MED14: variants seen among roughly 807,000 people sequenced by gnomAD.
MED14 encodes the protein mediator complex subunit 14.
In MED14, 8 loss-of-function variants were observed where a neutral mutation model predicts 109.0. The ratio of observed to expected loss-of-function variants is 0.07; its 90% CI spans 0.04 to 0.13. MED14 has a LOEUF of 0.13. Among genes scored for constraint, MED14 ranks in the 10% least tolerant of loss-of-function variants. The pLI is 1.00. For missense variants in MED14, 711 were observed against 1,142.4 expected (o/e 0.62, Z 5.44); for synonymous variants, 399 against 408.7 (o/e 0.98, Z 0.29).
chrX:40,669,235 AT>A (rs1193076495), intron 23 of MED14, among the ~76,000 whole-genome samples: 3 of 111,694 alleles, frequency 2.7e-5, no homozygotes, highest in African/African-American at 6.5e-5. Flanking sequence ...TATTATAATT[AT>A]TTCAAAATAT....
chrX:40,648,832 A>T lies in MED14; in HGVS notation c.*2974T>A, dbSNP rs922398144. ...GCACAGTGCTGGCTGGCCTCTGCTA[A>T]CTTTGTCTTAATAACCTCAATGCTA... On this transcript the variant is annotated 3_prime_UTR_variant, in exon 31 of 31. Coordinates refer to ENST00000324817, the MANE Select transcript of MED14 (RefSeq NM_004229.4). 1 of 112,270 alleles carries T rather than the reference A, an allele frequency of 8.9e-6. No homozygotes were observed. The highest frequency in any genetic ancestry group is 3.2e-5 in the African/African-American group (1 of 30,805). The allele number at this position is 112,270 out of a possible 1,213,427, so 9.3% of individuals were successfully genotyped here. A position where few individuals can be genotyped will look rare whatever the true frequency, so the allele number is the denominator to read the frequency against.
rs1931453177 is a variant in MED14, at chrX:40,714,663, A to G, written c.396T>C (p.Thr132=). ...LDQQAILFVD[T]ADRLASLARD... is the part of the protein sequence containing the mutation. ...TAGCTAACGAGGCCAGGCGATCAGC[A>G]GTGTCCACAAACAGGATGGCTTGCT... The change falls in exon 4 of 31, where the codon ACT becomes ACC. Residue 132 remains threonine (T), a synonymous_variant. Coordinates refer to ENST00000324817, the MANE Select transcript of MED14 (RefSeq NM_004229.4). 1.7e-6 allele frequency: 2 copies of G among 1,211,785 alleles called. No individual in the cohort carries two copies. Among genetic ancestry groups the G allele is most frequent in the Non-Finnish European group, 2.2e-6 (2 of 895,433 alleles).
intron 16 of MED14, among the ~76,000 whole-genome samples, chrX:40,688,228 CA>C (rs1303647083): frequency 9.0e-6 from 1 of 111,225 alleles, no homozygotes; most frequent in African/African-American, 3.3e-5. Context: ...GACTCTGTCT[CA>C]AAACAAGCAA....
intron 16 of MED14, 26 bp downstream of exon 16, chrX:40,688,428 A>T: frequency 9.0e-7 from 1 of 1,116,702 alleles, no homozygotes; most frequent in Non-Finnish European, 1.2e-6. Context: ...ATGTGGCACC[A>T]AGTGAAACAT....
Position 40,663,184 on chromosome X carries a change from T to C in MED14, c.3449-24A>G, listed in dbSNP as rs748384705. Reference sequence around the variant, plus strand: ...ACCTTTTGGGAAGGAAAACATGTTATGTCATTTACAAATACATACTATCTC... The same window carrying C: ...ACCTTTTGGGAAGGAAAACATGTTACGTCATTTACAAATACATACTATCTC... On this transcript the variant is annotated intron_variant, in intron 25 of 30. Coordinates refer to ENST00000324817, the MANE Select transcript of MED14 (RefSeq NM_004229.4). 5.5e-6 allele frequency: 6 copies of C among 1,097,050 alleles called. No homozygotes were observed. The East Asian group carries it at 9.1e-5, about 17-fold the overall frequency. 90.4% of individuals were successfully genotyped at this position (1,097,050 alleles called of 1,213,427 possible). A position where few individuals can be genotyped will look rare whatever the true frequency, so the allele number is the denominator to read the frequency against.
At chrX:40,660,541 C>T (rs1052905384) in intron 26 of MED14, among the ~76,000 whole-genome samples, 8 of 111,939 alleles carry the variant, frequency 7.1e-5, no homozygotes, top group Non-Finnish European at 1.1e-4. Context: ...CTGAAAGCAG[C>T]TATAGACAAT....
Position 40,663,023 on chromosome X carries a change from G to A in MED14, c.3586C>T (p.Pro1196Ser), listed in dbSNP as rs767141528. Residue 1196 changes from proline to serine, a missense_variant, in exon 26 of 31, where the codon CCC becomes TCC. By Grantham distance (74) the Pro-to-Ser change is moderately conservative (BLOSUM62 -1). This residue lies in a region of MED14 where 54 missense variants were observed against 129.6 expected (regional missense o/e 0.42). Coordinates refer to ENST00000324817, the MANE Select transcript of MED14 (RefSeq NM_004229.4). ...LLPSPTPGLV[P>S]GLAGSYLCSP... The stretch of plus-strand genomic sequence containing the variant: ...CAAAGGTAACTACCTGCCAGGCCGG[G>A]CACAAGGCCTGGAGTTGGAGAGGGC... The A allele has an allele frequency of 8.3e-7, 1 of 1,211,343 alleles. No homozygotes were observed. Among genetic ancestry groups the A allele is most frequent in the Non-Finnish European group, 1.1e-6 (1 of 895,022 alleles).
chrX:40,693,208 A>G (rs901246896), intron 13 of MED14, among the ~76,000 whole-genome samples: 2 of 111,683 alleles, frequency 1.8e-5, no homozygotes, highest in African/African-American at 6.5e-5. Context: ...AAATTGAAAA[A>G]AACAAAAACA....
chrX:40,661,268 G>C (rs1929259526), intron 26 of MED14, among the ~76,000 whole-genome samples: 1 of 112,227 alleles, frequency 8.9e-6, no homozygotes, highest in African/African-American at 3.3e-5. Flanking sequence ...TTCCAGTAGA[G>C]ATGGGGTTTC....
chrX:40,676,282 T>C (rs1001169184), intron 21 of MED14, among the ~76,000 whole-genome samples: 8 of 111,842 alleles, frequency 7.2e-5, no homozygotes, highest in Non-Finnish European at 1.5e-4. Context: ...AGACCCTGTC[T>C]CAAAAAAGAA....
chrX:40,649,472 A>C lies in MED14; in HGVS notation c.*2334T>G. On this transcript the variant is annotated 3_prime_UTR_variant, in exon 31 of 31. Coordinates refer to ENST00000324817, the MANE Select transcript of MED14 (RefSeq NM_004229.4). Reference sequence around the variant, plus strand: ...CAAATCAGGACCAATTTCTTATTTCAAGGTTAAATTAATACTAAACCAGAC... The same window carrying C: ...CAAATCAGGACCAATTTCTTATTTCCAGGTTAAATTAATACTAAACCAGAC... The C allele has an allele frequency of 2.6e-6, 1 of 381,524 alleles. No individual in the cohort carries two copies. The highest frequency in any genetic ancestry group is 6.9e-5 in the South Asian group (1 of 14,570). The allele number at this position is 381,524 out of a possible 1,213,427, so 31.4% of individuals were successfully genotyped here.
At chrX:40,666,637 T>C (rs1929497837) in intron 24 of MED14, 83 bp downstream of exon 24, 1 of 1,018,125 alleles carries the variant, frequency 9.8e-7, no homozygotes, top group African/African-American at 1.9e-5. Context: ...CAAGTATTAA[T>C]TTTGCAATGA....
intron 3 of MED14, among the ~76,000 whole-genome samples, chrX:40,725,734 G>A (rs1250822123): frequency 9.0e-6 from 1 of 111,587 alleles, no homozygotes. Flanking sequence ...CATGCTGAAT[G>A]GAGAAAAACT....
In MED14 at chrX:40,648,774, G is replaced by A. The variant is rs979449089; in HGVS notation, c.*3032C>T. ...AAGTGGAGGCAACTTGCAGAAAATT[G>A]TGAGCATACCATGGAGTTCCTGGAG... On this transcript the variant is annotated 3_prime_UTR_variant, in exon 31 of 31. Coordinates refer to ENST00000324817, the MANE Select transcript of MED14 (RefSeq NM_004229.4). The A allele has an allele frequency of 3.6e-5, 4 of 112,314 alleles. No individual in the cohort carries two copies. The highest frequency in any genetic ancestry group is 1.3e-4 in the African/African-American group (4 of 30,754). 9.3% of individuals were successfully genotyped at this position (112,314 alleles called of 1,213,427 possible). A position where few individuals can be genotyped will look rare whatever the true frequency, so the allele number is the denominator to read the frequency against.
intron 16 of MED14, 77 bp downstream of exon 16, chrX:40,688,377 G>T: frequency 7.0e-6 from 5 of 719,132 alleles, no homozygotes; most frequent in Non-Finnish European, 1.1e-5. Flanking sequence ...GCTTTATGTT[G>T]TCTCATGAAA....
At chrX:40,716,521 T>G (rs1221542213) in intron 3 of MED14, among the ~76,000 whole-genome samples, 1 of 106,644 alleles carries the variant, frequency 9.4e-6, no homozygotes, top group Non-Finnish European at 1.9e-5. Flanking sequence ...GCCCAGGAGG[T>G]TGACGCTGCA....
Position 40,654,262 on chromosome X carries a change from G to A in MED14, c.4291+102C>T, listed in dbSNP as rs139022279. The A allele has an allele frequency of 1.1e-4, 77 of 708,076 alleles. No homozygotes were observed. In the African/African-American group the frequency reaches 1.5e-3, roughly 14 times the overall value. 58.4% of individuals were successfully genotyped at this position (708,076 alleles called of 1,213,427 possible). ...AGACCTCTATTGCTATGATTGGGTG[G>A]TAGAGTAGGTAAGGAGGGAGAAGAG... On this transcript the variant is annotated intron_variant, in intron 30 of 30. Coordinates refer to ENST00000324817, the MANE Select transcript of MED14 (RefSeq NM_004229.4).
chrX:40,716,035 T>C (rs1931510142), intron 3 of MED14, among the ~76,000 whole-genome samples: 1 of 110,065 alleles, frequency 9.1e-6, no homozygotes, highest in African/African-American at 3.3e-5. Flanking sequence ...ATGAGCAAAA[T>C]ACCTGAATAG....
rs576482293 is a variant in MED14, at chrX:40,690,719, G to A, written c.1980+1464C>T. On this transcript the variant is annotated intron_variant, in intron 15 of 30. Coordinates refer to ENST00000324817, the MANE Select transcript of MED14 (RefSeq NM_004229.4). ...CATGAGTCACCGTGCCCGGCCCACT[G>A]CCTGTTTTTGTAAATGAAGTTTTTT... Among the ~76,000 whole-genome samples the A allele has an allele frequency of 5.1e-4, 57 of 111,563 alleles. No homozygotes were observed. In the South Asian group the frequency reaches 0.02, roughly 40 times the overall value.
Sources: gnomAD v4.1 joint callset for allele counts (sites outside exome capture counted in the v4.1 genomes callset) on GRCh38, gnomAD v4.1.1 for gene constraint, gnomAD v4.1.1 regional missense constraint, MANE v1.5 for transcripts, NCBI Gene and HGNC (gene_info 2026-07-23, HGNC 2026-07-21) for gene names.